CERT1: variants seen among roughly 807,000 people sequenced by gnomAD.
CERT1 encodes the protein ceramide transporter 1, also known as ceramide transfer protein.
In CERT1, 31 loss-of-function variants were observed where a neutral mutation model predicts 87.9. The observed-to-expected ratio is 0.35, with a 90% CI of 0.27 to 0.48. The LOEUF (loss-of-function observed/expected upper bound fraction) is 0.48, where lower values mean the gene tolerates loss of function less well. CERT1 is among the 20% of genes least tolerant of loss of function. The probability of loss-of-function intolerance (pLI) is 0.99; values close to 1 mark genes in which losing one functional copy is unlikely to be tolerated. For synonymous variants in CERT1, 289 were observed against 250.9 expected, an observed-to-expected ratio of 1.15 and a Z score of -1.44; for missense variants, 487 against 758.0, an observed-to-expected ratio of 0.64 and a Z score of 4.20.
rs200651209 is a variant in CERT1 at position 75,511,221 on chromosome 5, C to A, written c.-14G>T. On this transcript the variant is annotated 5_prime_UTR_variant, in exon 1 of 17. Transcript: ENST00000643780. The stretch of plus-strand genomic sequence containing the variant: ...ATTATCCGACATGGAGGCTCGACAA[C>A]CGAGCAGGAGACCGGCCCCCGCTCC... The A allele has an allele frequency of 1.2e-6, 2 of 1,612,306 alleles. No homozygotes were observed. Among genetic ancestry groups the A allele is most frequent in the African/African-American group, 1.3e-5 (1 of 75,028 alleles).
chr5:75,457,655 G>C (rs1017394313), intron 3 of CERT1, among the ~76,000 whole-genome samples: 1 of 151,894 alleles, frequency 6.6e-6, no homozygotes, highest in Non-Finnish European at 1.5e-5. Context: ...TTTAGGCTGG[G>C]AGAAATCTTA....
At chr5:75,419,240 C>T (rs2112158813) in intron 6 of CERT1, 101 bp downstream of exon 6, 1 of 723,226 alleles carries the variant, frequency 1.4e-6, no homozygotes, top group South Asian at 2.0e-5. Context: ...ACCAGTTCTA[C>T]TGCTTTTTAA....
chr5:75,493,930 T>G (rs1162149440), intron 2 of CERT1, among the ~76,000 whole-genome samples: 1 of 152,186 alleles, frequency 6.6e-6, no homozygotes, highest in East Asian at 1.9e-4. Flanking sequence ...TCCTCACTGC[T>G]ACCATATTTA....
At chr5:75,453,811 C>T (rs937618079) in intron 3 of CERT1, among the ~76,000 whole-genome samples, 6 of 84,250 alleles carry the variant, frequency 7.1e-5, no homozygotes, top group Admixed American at 4.4e-4. Context: ...TTTGTTTGCA[C>T]GCGTGTATGT....
At chr5:75,470,555 A>G (rs1357711176) in intron 2 of CERT1, among the ~76,000 whole-genome samples, 1 of 152,186 alleles carries the variant, frequency 6.6e-6, no homozygotes, top group Non-Finnish European at 1.5e-5. Context: ...AAAGCACTGG[A>G]CAAAATTCAA....
In CERT1 at chr5:75,377,999, G is replaced by C. The variant is rs1266207922; in HGVS notation, c.*1347C>G. 6.6e-6 allele frequency: 1 copy of C among 152,214 alleles called. No individual in the cohort carries two copies. The highest frequency in any genetic ancestry group is 1.5e-5 in the Non-Finnish European group (1 of 68,104). The allele number at this position is 152,214 out of a possible 1,614,324, so 9.4% of individuals were successfully genotyped here. The stretch of plus-strand genomic sequence containing the variant: ...TTGCTATGTTATCCAGGCTAGACTT[G>C]AACTCCTGGCCTCAAGCCATTCTCC... On this transcript the variant is annotated 3_prime_UTR_variant, in exon 17 of 17. Coordinates refer to ENST00000643780, the MANE Select transcript of CERT1 (RefSeq NM_001379029.1).
intron 2 of CERT1, among the ~76,000 whole-genome samples, chr5:75,493,041 C>T (rs1381618349): frequency 2.6e-5 from 4 of 152,174 alleles, no homozygotes; most frequent in African/African-American, 9.7e-5. Flanking sequence ...ACTTTGAGTA[C>T]AATAACCTCT....
chr5:75,420,455 T>G (rs1431820017), intron 5 of CERT1, among the ~76,000 whole-genome samples: 1 of 150,248 alleles, frequency 6.7e-6, no homozygotes, highest in East Asian at 2.0e-4. Flanking sequence ...ACCATTCTCC[T>G]GCCTCAGCCT....
chr5:75,399,173 T>G (rs1216491596), intron 11 of CERT1, 137 bp downstream of exon 11: 5 of 652,286 alleles, frequency 7.7e-6, no homozygotes, highest in Non-Finnish European at 1.4e-5. Context: ...AAGGAAGACC[T>G]TTTTAATGCT....
intron 14 of CERT1, among the ~76,000 whole-genome samples, chr5:75,384,323 C>T (rs1158607073): frequency 6.6e-6 from 1 of 152,120 alleles, no homozygotes; most frequent in Non-Finnish European, 1.5e-5. Context: ...CACTTGAGCT[C>T]AGGAGTTTGA....
chr5:75,495,515 G>A (rs890259501), intron 2 of CERT1, among the ~76,000 whole-genome samples: 2 of 151,606 alleles, frequency 1.3e-5, no homozygotes, highest in Admixed American at 6.6e-5. Flanking sequence ...CCGAGATCAC[G>A]CCACTGCACT....
At chr5:75,456,992 T>A (rs1765013185) in intron 3 of CERT1, among the ~76,000 whole-genome samples, 1 of 152,120 alleles carries the variant, frequency 6.6e-6, no homozygotes, top group Non-Finnish European at 1.5e-5. Context: ...AGAAAAAAAC[T>A]TGCCCTGTAA....
chr5:75,396,623 G>A (rs947920016), intron 11 of CERT1, among the ~76,000 whole-genome samples: 3 of 151,824 alleles, frequency 2.0e-5, no homozygotes, highest in African/African-American at 7.3e-5. Flanking sequence ...CAGCTACTCA[G>A]GTGGCTGAGG....
chr5:75,497,684 C>A (rs1767138907), intron 2 of CERT1, among the ~76,000 whole-genome samples: 1 of 152,036 alleles, frequency 6.6e-6, no homozygotes, highest in African/African-American at 2.4e-5. Flanking sequence ...TTTTAAGTTT[C>A]CTGAACCTCC....
At chr5:75,407,930 T>C (rs1762782027) in intron 8 of CERT1, among the ~76,000 whole-genome samples, 2 of 151,562 alleles carry the variant, frequency 1.3e-5, no homozygotes, top group South Asian at 4.2e-4. Flanking sequence ...TTGACCATCT[T>C]AACAATTTTT....
At chr5:75,439,169 TAAATA>T (rs1025690394) in intron 3 of CERT1, among the ~76,000 whole-genome samples, 1 of 151,116 alleles carries the variant, frequency 6.6e-6, no homozygotes, top group Non-Finnish European at 1.5e-5. Flanking sequence ...AGTTATCGAT[TAAATA>T]AAATACCAGA....
chr5:75,464,878 C>CGGA (rs1274321479), intron 2 of CERT1, among the ~76,000 whole-genome samples: 1 of 152,074 alleles, frequency 6.6e-6, no homozygotes, highest in African/African-American at 2.4e-5. Context: ...GCAAGTGGCC[C>CGGA]GGAGTTTTAT....
intron 3 of CERT1, among the ~76,000 whole-genome samples, chr5:75,454,361 ATTATT>A (rs1281367989): frequency 1.3e-5 from 2 of 152,182 alleles, no homozygotes; most frequent in Non-Finnish European, 2.9e-5. Context: ...TATATTATAC[ATTATT>A]TTAATGTGCA....
intron 3 of CERT1, among the ~76,000 whole-genome samples, chr5:75,448,705 T>C (rs371726006): frequency 6.6e-6 from 1 of 152,160 alleles, no homozygotes; most frequent in Non-Finnish European, 1.5e-5. Context: ...CAGAATCCCA[T>C]GTGTCCCAGT....
Sources: gnomAD v4.1 joint callset for allele counts (sites outside exome capture counted in the v4.1 genomes callset) on GRCh38, gnomAD v4.1.1 for gene constraint, MANE v1.5 for transcripts, NCBI Gene and HGNC (gene_info 2026-07-23, HGNC 2026-07-21) for gene names.